PRKAG2: variants seen among roughly 807,000 people sequenced by gnomAD.
The protein encoded by PRKAG2 is protein kinase AMP-activated non-catalytic subunit gamma 2.
A neutral mutation model predicts 69.6 loss-of-function variants in PRKAG2; 26 were observed. The ratio of observed to expected loss-of-function variants is 0.37; its 90% CI spans 0.27 to 0.52. The LOEUF is 0.52. PRKAG2 is among the 20% of genes least tolerant of loss of function. PRKAG2 has a pLI of 0.90. For missense variants in PRKAG2, 557 were observed against 740.0 expected, an observed-to-expected ratio of 0.75 and a Z score of 2.87; for synonymous variants, 293 against 285.0, an observed-to-expected ratio of 1.03 and a Z score of -0.28.
intron 5 of PRKAG2, among the ~76,000 whole-genome samples, chr7:151,618,911 T>C (rs1040033577): frequency 2.0e-5 from 3 of 152,240 alleles, no homozygotes; most frequent in African/African-American, 7.2e-5. Context: ...TTTTTTCCCC[T>C]TTCCATGCTT....
At chr7:151,588,091 T>C (rs1812132476) in intron 6 of PRKAG2, among the ~76,000 whole-genome samples, 1 of 152,212 alleles carries the variant, frequency 6.6e-6, no homozygotes, top group Non-Finnish European at 1.5e-5. Flanking sequence ...AAAGCCTGGA[T>C]CATTCCTAAT....
At chr7:151,685,575 C>G (rs1341588911) in intron 3 of PRKAG2, among the ~76,000 whole-genome samples, 9 of 151,992 alleles carry the variant, frequency 5.9e-5, no homozygotes, top group Non-Finnish European at 7.4e-5. Context: ...TCAAGATCAG[C>G]CTGGGCAACA....
At position 151,771,644 on chromosome 7, in the gene PRKAG2, G is replaced by A. The variant is rs10255048; in HGVS notation, c.466+9508C>T. 0.013 allele frequency among the ~76,000 whole-genome samples: 2,017 copies of A among 152,316 alleles called. 35 individuals carry two copies. Among genetic ancestry groups the A allele is most frequent in the African/African-American group, 0.046 (1,929 of 41,548 alleles). On this transcript the variant is annotated intron_variant, in intron 3 of 15. Transcript: ENST00000287878. The surrounding 1 kb of genome is among the most constrained non-coding windows in gnomAD (Gnocchi z 4.0). ...ATTGAGTCATTCGCTTCACTGGTTT[G>A]TAAATATCTTTGTACATTAGGGATA...
intron 4 of PRKAG2, among the ~76,000 whole-genome samples, chr7:151,664,003 A>G (rs888101885): frequency 6.6e-6 from 1 of 152,214 alleles, no homozygotes. Context: ...AAGGACAATA[A>G]ATAAATGAAT....
chr7:151,597,502 G>A (rs973079197), intron 5 of PRKAG2, among the ~76,000 whole-genome samples: 1 of 152,140 alleles, frequency 6.6e-6, no homozygotes, highest in African/African-American at 2.4e-5. Context: ...TACAGAATGA[G>A]AGAAAATATT....
In PRKAG2 at chr7:151,632,618, G is replaced by C. The variant is rs1393695150; in HGVS notation, c.685-480C>G. 2.0e-6 allele frequency: 2 copies of C among 984,638 alleles called. No individual in the cohort carries two copies. Among genetic ancestry groups the C allele is most frequent in the African/African-American group, 3.5e-5 (2 of 57,202 alleles). The allele number at this position is 984,638 out of a possible 1,614,324, so 61.0% of individuals were successfully genotyped here. A position where few individuals can be genotyped will look rare whatever the true frequency, so the allele number is the denominator to read the frequency against. The stretch of plus-strand genomic sequence containing the variant: ...CTCGGCAGGCTCCACCTGCGCAGGT[G>C]TGGGCTCCGCGGCGCGGGGAGGGGG... On this transcript the variant is annotated intron_variant, in intron 4 of 15. Coordinates refer to ENST00000287878, the MANE Select transcript of PRKAG2 (RefSeq NM_016203.4). This position sits in a 1 kb window ranked among gnomAD's most constrained non-coding sequence, Gnocchi z 4.2.
intron 6 of PRKAG2, among the ~76,000 whole-genome samples, chr7:151,592,164 T>C (rs1397458142): frequency 2.0e-5 from 3 of 152,216 alleles, no homozygotes; most frequent in Non-Finnish European, 2.9e-5. Context: ...GAGCTCCTTA[T>C]GAGCCACTGA....
intron 1 of PRKAG2, among the ~76,000 whole-genome samples, chr7:151,827,745 T>TAAGAAAAA (rs2078933507): frequency 1.9e-5 from 1 of 52,248 alleles, no homozygotes; most frequent in Non-Finnish European, 3.3e-5. Flanking sequence ...TGGCCTTAGG[T>TAAGAAAAA]AAAAAAAAAA....
intron 1 of PRKAG2, among the ~76,000 whole-genome samples, chr7:151,839,788 T>C (rs565041236): frequency 3.5e-4 from 53 of 152,218 alleles, no homozygotes; most frequent in African/African-American, 7.9e-4. Context: ...TGAGCTTGGG[T>C]AGTGGTCCAT....
chr7:151,753,515 A>G (rs1185753583), intron 3 of PRKAG2, among the ~76,000 whole-genome samples: 1 of 152,168 alleles, frequency 6.6e-6, no homozygotes, highest in Admixed American at 6.5e-5. Flanking sequence ...TGAAAAGGAT[A>G]TGAGAACTCT....
chr7:151,631,233 A>C (rs1447381701), intron 5 of PRKAG2, among the ~76,000 whole-genome samples: 1 of 152,244 alleles, frequency 6.6e-6, no homozygotes, highest in African/African-American at 2.4e-5. Context: ...CGCCTTTTCA[A>C]GTCCTCGAAT....
rs1317320690 is a variant in PRKAG2, at chr7:151,833,637, CCTT to C, written c.114+42867_114+42869del. ...CCCCAGCCCCAGCACCAGCCAAGAT[CCTT>C]CTAACTCCAGCGGGCTTTTCAGTTG... On this transcript the variant is annotated intron_variant, in intron 1 of 15. Coordinates refer to ENST00000287878, the MANE Select transcript of PRKAG2 (RefSeq NM_016203.4). Among the ~76,000 whole-genome samples the C allele has an allele frequency of 5.3e-5, 8 of 152,348 alleles. No homozygotes were observed. The East Asian group carries it at 1.2e-3, about 22-fold the overall frequency.
chr7:151,646,448 A>T (rs1383084104), intron 4 of PRKAG2, among the ~76,000 whole-genome samples: 1 of 152,198 alleles, frequency 6.6e-6, no homozygotes, highest in African/African-American at 2.4e-5. Flanking sequence ...CATAAATGAA[A>T]TTGCTTATAA....
At position 151,817,840 on chromosome 7, in the gene PRKAG2, TC is replaced by T. The variant is rs372368716; in HGVS notation, c.115-31300del. ...ATCCAGGATTCGATCAAAGTGATGT[TC>T]CCCTCCCCAGCCTGGCTCCGTACAG... On this transcript the variant is annotated intron_variant, in intron 1 of 15. Coordinates refer to ENST00000287878, the MANE Select transcript of PRKAG2 (RefSeq NM_016203.4). Among the ~76,000 whole-genome samples the T allele has an allele frequency of 2.8e-3, 430 of 152,214 alleles. 1 individual carries two copies. The highest frequency in any genetic ancestry group is 0.022 in the South Asian group (106 of 4,824).
At chr7:151,560,641 G>C (rs553107117) in intron 14 of PRKAG2, 24 bp from the exon 15 acceptor site, 1 of 1,613,474 alleles carries the variant, frequency 6.2e-7, no homozygotes, top group African/African-American at 1.3e-5. Context: ...AGCAGGACAC[G>C]TGAAAATTAA....
chr7:151,657,001 G>T (rs1474503539), intron 4 of PRKAG2, among the ~76,000 whole-genome samples: 1 of 152,100 alleles, frequency 6.6e-6, no homozygotes, highest in Admixed American at 6.5e-5. Flanking sequence ...GCTGGGCATG[G>T]TGGCAGGCGC....
At chr7:151,706,536 G>A (rs1838638454) in intron 3 of PRKAG2, among the ~76,000 whole-genome samples, 1 of 152,148 alleles carries the variant, frequency 6.6e-6, no homozygotes, top group African/African-American at 2.4e-5. Context: ...CCCACCACGA[G>A]GCTTCTTGCA....
Position 151,751,721 on chromosome 7 carries a change from C to T in PRKAG2, c.466+29431G>A, listed in dbSNP as rs374262434. 1.3e-4 allele frequency among the ~76,000 whole-genome samples: 19 copies of T among 151,846 alleles called. No individual in the cohort carries two copies. The South Asian group carries it at 3.8e-3, about 30-fold the overall frequency. On this transcript the variant is annotated intron_variant, in intron 3 of 15. Coordinates refer to ENST00000287878, the MANE Select transcript of PRKAG2 (RefSeq NM_016203.4). ...TGTTTGTTTGGTAGAGACAGGGTCT[C>T]GCTACGGTCTTGAACTCCTGAGCTC... is the stretch of plus-strand genomic sequence containing the variant.
rs1658175231 is a variant in PRKAG2 at position 151,781,094 on chromosome 7, G to C, written c.466+58C>G. On this transcript the variant is annotated intron_variant, in intron 3 of 15. Transcript: ENST00000287878. The surrounding 1 kb of genome is among the most constrained non-coding windows in gnomAD (Gnocchi z 6.1). ...TCGGTGCCACCGTGGATGTGTGGCT[G>C]CAGAAGAGACCCCCAGCACCCCAGC... 1 of 1,605,796 alleles carries C rather than the reference G, an allele frequency of 6.2e-7. No homozygotes were observed. Among genetic ancestry groups the C allele is most frequent in the African/African-American group, 1.3e-5 (1 of 74,860 alleles).
Sources: gnomAD v4.1 joint callset for allele counts (sites outside exome capture counted in the v4.1 genomes callset) on GRCh38, gnomAD v4.1.1 for gene constraint, Gnocchi (gnomAD v3.1) non-coding constraint, MANE v1.5 for transcripts, NCBI Gene and HGNC (gene_info 2026-07-23, HGNC 2026-07-21) for gene names.